The following SYT12 variants were observed in gnomAD, a reference collection of about 807,000 sequenced individuals.
The protein encoded by SYT12 is synaptotagmin-12.
SYT12 carries 27 observed loss-of-function variants against 39.5 expected under a neutral mutation model. The ratio of observed to expected loss-of-function variants is 0.68; its 90% confidence interval spans 0.50 to 0.94. SYT12 has a LOEUF of 0.94. SYT12 is among the 40% of genes least tolerant of loss of function. The pLI, the probability that SYT12 is intolerant of heterozygous loss-of-function variation, is 0.00. For missense variants in SYT12, 536 were observed against 572.6 expected, an observed-to-expected ratio of 0.94 and a Z score of 0.65; for synonymous variants, 233 against 239.7, an observed-to-expected ratio of 0.97 and a Z score of 0.26.
Position 67,044,635 on chromosome 11 carries a change from C to G in SYT12, c.880C>G (p.Leu294Val), listed in dbSNP as rs1385598513. Residue 294 changes from leucine to valine, a missense_variant, in exon 6 of 8, where the codon CTC becomes GTC. Leu to Val is a conservative substitution (Grantham distance 32). Transcript: ENST00000527043. ...VGEILLSLSY[L>V]PTAERLTVVV... ...GGAGATCCTGCTCTCCCTCAGCTAC[C>G]TCCCCACAGCCGAGCGCCTCACCGT... is the stretch of plus-strand genomic sequence containing the variant. The G allele has an allele frequency of 6.2e-7, 1 of 1,613,358 alleles. No homozygotes were observed. Among genetic ancestry groups the G allele is most frequent in the African/African-American group, 1.3e-5 (1 of 74,922 alleles).
chr11:67,026,001 G>T (rs568842750), intron 1 of SYT12, among the ~76,000 whole-genome samples: 1 of 152,128 alleles, frequency 6.6e-6, no homozygotes, highest in Non-Finnish European at 1.5e-5. Flanking sequence ...TTTGCTGGGC[G>T]TGGTGAGATC....
At chr11:67,035,837 C>CCTTCCTTCCTTCCTTCCTTCCTTT (rs1412426648) in intron 3 of SYT12, among the ~76,000 whole-genome samples, 2 of 111,140 alleles carry the variant, frequency 1.8e-5, no homozygotes, top group Admixed American at 9.4e-5. Flanking sequence ...TTCCTTCCTT[C>CCTTCCTTCCTTCCTTCCTTCCTTT]CTTTCTTTCT....
intron 3 of SYT12, among the ~76,000 whole-genome samples, chr11:67,039,181 T>C (rs781634028): frequency 1.4e-4 from 21 of 151,512 alleles, no homozygotes; most frequent in African/African-American, 4.9e-5. Flanking sequence ...TGTGCACCTG[T>C]AATCCCGGGT....
At chr11:67,007,102 G>A (rs538202244) in exon 1 of SYT12, 1 of 152,506 alleles carries the variant, frequency 6.6e-6, no homozygotes, top group Admixed American at 6.5e-5. Context: ...TTCCTGATGG[G>A]GTTAAGGGCG....
chr11:67,037,515 G>C (rs1484227495), intron 3 of SYT12, among the ~76,000 whole-genome samples: 1 of 149,478 alleles, frequency 6.7e-6, no homozygotes, highest in African/African-American at 2.5e-5. Flanking sequence ...GTTGGAGACT[G>C]GCCTGGGCAA....
At chr11:67,042,702 A>G (rs1271894120) in intron 4 of SYT12, among the ~76,000 whole-genome samples, 2 of 152,224 alleles carry the variant, frequency 1.3e-5, no homozygotes, top group East Asian at 3.8e-4. Context: ...AGGCAGAGCC[A>G]GATCATGAAG....
intron 6 of SYT12, among the ~76,000 whole-genome samples, chr11:67,045,060 A>G (rs568974411): frequency 6.6e-6 from 1 of 152,060 alleles, no homozygotes; most frequent in East Asian, 1.9e-4. Flanking sequence ...ACTGGAATTC[A>G]TGGTGGAGAC....
chr11:67,012,381 T>A (rs1275913477), intron 3 of SYT12, among the ~76,000 whole-genome samples: 4 of 151,792 alleles, frequency 2.6e-5, no homozygotes, highest in East Asian at 1.9e-4. Context: ...AAAAAATTTT[T>A]AAAAATAATA....
At chr11:67,046,015 G>A in intron 7 of SYT12, 138 bp downstream of exon 7, 2 of 1,158,924 alleles carry the variant, frequency 1.7e-6, no homozygotes, top group Non-Finnish European at 2.4e-6. Flanking sequence ...CAGTTATTGA[G>A]TGCCACTGGG....
chr11:67,009,215 A>G (rs923666865), intron 1 of SYT12, among the ~76,000 whole-genome samples: 30 of 152,222 alleles, frequency 2.0e-4, no homozygotes, highest in African/African-American at 7.0e-4. Context: ...TTTGTTGTCT[A>G]GGCTGGTCCT....
intron 6 of SYT12, among the ~76,000 whole-genome samples, chr11:67,045,398 T>G (rs1213172935): frequency 6.6e-6 from 1 of 152,168 alleles, no homozygotes; most frequent in Non-Finnish European, 1.5e-5. Flanking sequence ...AGTCAGGCTC[T>G]GCTGTGCGGG....
chr11:67,048,214 T>C (rs1223289722), intron 7 of SYT12, among the ~76,000 whole-genome samples: 4 of 146,770 alleles, frequency 2.7e-5, no homozygotes, highest in Non-Finnish European at 6.0e-5. Flanking sequence ...GAGGTTGCAG[T>C]GAGCTGAGAT....
intron 7 of SYT12, among the ~76,000 whole-genome samples, chr11:67,048,071 G>A (rs1415744485): frequency 2.0e-5 from 3 of 150,544 alleles, no homozygotes; most frequent in Non-Finnish European, 4.4e-5. Flanking sequence ...GATTACAGGC[G>A]TGAGCCACCG....
intron 5 of SYT12, 34 bp from the exon 6 acceptor site, chr11:67,044,559 G>A (rs774961436): frequency 3.1e-6 from 5 of 1,605,488 alleles, no homozygotes; most frequent in African/African-American, 1.3e-5. Flanking sequence ...GTCGGGTGGG[G>A]AGAAGCCCTC....
At chr11:67,042,022 G>A (rs1303707204) in intron 4 of SYT12, among the ~76,000 whole-genome samples, 1 of 152,216 alleles carries the variant, frequency 6.6e-6, no homozygotes. Context: ...AGTGCGAGGA[G>A]GGCGTGTTTA....
chr11:67,029,350 T>A (rs1950226122), intron 1 of SYT12: 1 of 152,236 alleles, frequency 6.6e-6, no homozygotes. Context: ...AGGCTCTGGC[T>A]CAAGCCAGGG....
chr11:67,040,340 G>A, intron 4 of SYT12, 137 bp downstream of exon 4: 1 of 1,249,726 alleles, frequency 8.0e-7, no homozygotes, highest in South Asian at 1.5e-5. Context: ...CAGAGCTGAA[G>A]CTTCAGACTG....
rs753859035 is a variant in SYT12 at position 67,030,133 on chromosome 11, G to A, written c.-12G>A. 2 of 1,613,916 alleles carry A rather than the reference G, an allele frequency of 1.2e-6. No homozygotes were observed. The highest frequency in any genetic ancestry group is 1.7e-6 in the Non-Finnish European group (2 of 1,180,000). On this transcript the variant is annotated 5_prime_UTR_variant, in exon 2 of 8. Transcript: ENST00000527043. ...CTTTTCCCTTCCAGTCACAGTCACT[G>A]CAGCAGACATCATGGCTGTGGATGT... is the stretch of plus-strand genomic sequence containing the variant.
At chr11:67,014,090 G>A (rs749086313) in intron 3 of SYT12, among the ~76,000 whole-genome samples, 25 of 152,162 alleles carry the variant, frequency 1.6e-4, no homozygotes, top group African/African-American at 4.8e-4. Context: ...ACCACCCATC[G>A]CATGTAGGAC....
Sources: gnomAD v4.1 joint callset for allele counts (sites outside exome capture counted in the v4.1 genomes callset) on GRCh38, gnomAD v4.1.1 for gene constraint, MANE v1.5 for transcripts, NCBI Gene and HGNC (gene_info 2026-07-23, HGNC 2026-07-21) for gene names.